Variants in ROBO1 observed in about 807,000 individuals in gnomAD.
The protein encoded by ROBO1 is roundabout guidance receptor 1.
Under a neutral mutation model 195.9 loss-of-function variants are expected in ROBO1, and 149 were observed. That is an observed-to-expected ratio of 0.76 (90% CI 0.67 to 0.87). The LOEUF (loss-of-function observed/expected upper bound fraction) is 0.87. ROBO1 is among the 40% of genes least tolerant of loss of function. ROBO1 has a pLI of 0.00. For missense variants in ROBO1, 1,933 were observed against 2,068.3 expected (o/e 0.93, Z 1.27); for synonymous variants, 816 against 733.2 (o/e 1.11, Z -1.82).
intron 3 of ROBO1, among the ~76,000 whole-genome samples, chr3:79,104,657 T>G (rs2079743255): frequency 6.6e-6 from 1 of 151,742 alleles, no homozygotes; most frequent in African/African-American, 2.4e-5. Context: ...AGTTCGGTAC[T>G]ATTCATATCA....
intron 8 of ROBO1, among the ~76,000 whole-genome samples, chr3:78,709,736 A>G (rs1575987820): frequency 6.6e-6 from 1 of 152,176 alleles, no homozygotes; most frequent in African/African-American, 2.4e-5. Context: ...CTCATGGATA[A>G]TCTTACTAGT....
At chr3:78,720,300 A>G (rs1453702934) in intron 5 of ROBO1, among the ~76,000 whole-genome samples, 2 of 152,228 alleles carry the variant, frequency 1.3e-5, no homozygotes, top group Admixed American at 6.5e-5. Flanking sequence ...TTTAGGTCAG[A>G]TATGTGTCTT....
At chr3:79,716,732 G>C (rs568824864) in intron 1 of ROBO1, among the ~76,000 whole-genome samples, 7 of 151,884 alleles carry the variant, frequency 4.6e-5, no homozygotes, top group Non-Finnish European at 1.0e-4. Flanking sequence ...AAGACGGCAG[G>C]TGAAATTGAT....
chr3:78,961,904 T>C (rs1297810394), intron 3 of ROBO1, among the ~76,000 whole-genome samples: 1 of 152,034 alleles, frequency 6.6e-6, no homozygotes, highest in Non-Finnish European at 1.5e-5. Flanking sequence ...GTCACAGTAC[T>C]TGGGCTTTTC....
chr3:79,242,399 C>A (rs2082536526), intron 2 of ROBO1, among the ~76,000 whole-genome samples: 1 of 152,044 alleles, frequency 6.6e-6, no homozygotes, highest in Non-Finnish European at 1.5e-5. Flanking sequence ...ATAATATTTG[C>A]ATCCTAGCTG....
At chr3:79,096,949 C>T (rs1010636245) in intron 3 of ROBO1, among the ~76,000 whole-genome samples, 1 of 151,620 alleles carries the variant, frequency 6.6e-6, no homozygotes, top group Non-Finnish European at 1.5e-5. Context: ...AGAATTTTGA[C>T]TGCTTACTTC....
rs528728048 is a variant in ROBO1 at position 79,387,431 on chromosome 3, T to C, written c.88+202393A>G. Among the ~76,000 whole-genome samples, 4 of 150,572 alleles carry C rather than the reference T, an allele frequency of 2.7e-5. No individual in the cohort carries two copies. The South Asian group carries it at 8.3e-4, about 31-fold the overall frequency. Reference sequence around the variant, plus strand: ...CTTGCATGCATAATTTGTGTATATATATACATATATGCATGTTATATATAA... The same window carrying C: ...CTTGCATGCATAATTTGTGTATATACATACATATATGCATGTTATATATAA... On this transcript the variant is annotated intron_variant, in intron 2 of 30. Transcript: ENST00000464233.
chr3:78,828,820 C>T (rs2031877463), intron 4 of ROBO1, among the ~76,000 whole-genome samples: 1 of 152,082 alleles, frequency 6.6e-6, no homozygotes, highest in African/African-American at 2.4e-5. Flanking sequence ...AGGTGGCTCC[C>T]CATTTGGGAA....
chr3:78,876,544 A>T (rs986208298), intron 4 of ROBO1, among the ~76,000 whole-genome samples: 6 of 152,202 alleles, frequency 3.9e-5, no homozygotes, highest in Non-Finnish European at 5.9e-5. Context: ...ACAACTGATG[A>T]TTGTTAGAAT....
chr3:78,932,644 G>T (rs971818578), intron 4 of ROBO1, among the ~76,000 whole-genome samples: 2 of 152,006 alleles, frequency 1.3e-5, no homozygotes, highest in Non-Finnish European at 2.9e-5. Flanking sequence ...CCTAAGAAAA[G>T]AGTAAATATT....
chr3:79,635,370 A>G (rs1194524098), intron 1 of ROBO1, among the ~76,000 whole-genome samples: 1 of 152,154 alleles, frequency 6.6e-6, no homozygotes, highest in Non-Finnish European at 1.5e-5. Context: ...TAATGTTCCT[A>G]CCCTCAATAG....
chr3:79,732,903 C>T (rs1478088709), intron 1 of ROBO1, among the ~76,000 whole-genome samples: 1 of 152,114 alleles, frequency 6.6e-6, no homozygotes, highest in Non-Finnish European at 1.5e-5. Flanking sequence ...ATGCTGAAGA[C>T]TCCCAATCCC....
chr3:79,355,384 C>T (rs2035510449), intron 2 of ROBO1, among the ~76,000 whole-genome samples: 2 of 152,264 alleles, frequency 1.3e-5, no homozygotes. Flanking sequence ...AACATCCCAT[C>T]ACCCTAAACA....
intron 1 of ROBO1, among the ~76,000 whole-genome samples, chr3:79,744,046 T>C (rs1439777074): frequency 6.6e-6 from 1 of 152,218 alleles, no homozygotes; most frequent in African/African-American, 2.4e-5. Flanking sequence ...TAGTCATTTA[T>C]TATCAAGTAT....
rs547389156 is a variant in ROBO1 at position 79,606,153 on chromosome 3, C to T, written c.-50-16192G>A. On this transcript the variant is annotated intron_variant, in intron 1 of 30. Coordinates refer to ENST00000464233, the MANE Select transcript of ROBO1 (RefSeq NM_002941.4). The stretch of plus-strand genomic sequence containing the variant: ...AAAAAAATTACTCATTTAATTTACT[C>T]ATTTAAAAAAAATCCAAATGCAATG... Among the ~76,000 whole-genome samples, 3 of 143,980 alleles carry T rather than the reference C, an allele frequency of 2.1e-5. No individual in the cohort carries two copies. In the South Asian group the frequency reaches 6.5e-4, roughly 31 times the overall value. The allele number at this position is 143,980 out of a possible 152,430, so 94.5% of individuals were successfully genotyped here. A position where few individuals can be genotyped will look rare whatever the true frequency, so the allele number is the denominator to read the frequency against.
intron 1 of ROBO1, among the ~76,000 whole-genome samples, chr3:79,758,732 T>C (rs1704537863): frequency 6.6e-6 from 1 of 152,100 alleles, no homozygotes; most frequent in Non-Finnish European, 1.5e-5. Context: ...CCTTGTATTG[T>C]AAGGCAGACT....
intron 3 of ROBO1, among the ~76,000 whole-genome samples, chr3:78,993,390 T>C (rs896462558): frequency 6.6e-6 from 1 of 152,174 alleles, no homozygotes. Flanking sequence ...CCCCTCATAG[T>C]TGTAAATTCC....
intron 2 of ROBO1, among the ~76,000 whole-genome samples, chr3:79,506,958 G>T (rs1174097641): frequency 6.6e-6 from 1 of 152,012 alleles, no homozygotes; most frequent in Non-Finnish European, 1.5e-5. Flanking sequence ...AAGGCAATTT[G>T]TGTCAGGTTA....
At chr3:79,286,954 C>A (rs1383476673) in intron 2 of ROBO1, among the ~76,000 whole-genome samples, 1 of 152,056 alleles carries the variant, frequency 6.6e-6, no homozygotes, top group Non-Finnish European at 1.5e-5. Flanking sequence ...AATCAAGACA[C>A]AAGGTACTTT....
Sources: gnomAD v4.1 joint callset for allele counts (sites outside exome capture counted in the v4.1 genomes callset) on GRCh38, gnomAD v4.1.1 for gene constraint, MANE v1.5 for transcripts, NCBI Gene and HGNC (gene_info 2026-07-23, HGNC 2026-07-21) for gene names.